Variants in VAV3 observed in about 807,000 individuals in gnomAD.
VAV3 encodes the protein guanine nucleotide exchange factor VAV3.
A neutral mutation model predicts 131.2 loss-of-function variants in VAV3; 94 were observed. The ratio of observed to expected loss-of-function variants is 0.72; its 90% confidence interval spans 0.61 to 0.85. The LOEUF (loss-of-function observed/expected upper bound fraction) is 0.85. Among genes scored for constraint, VAV3 ranks in the 40% least tolerant of loss-of-function variants. VAV3 has a pLI of 0.00. For synonymous variants in VAV3, 349 were observed against 342.0 expected (o/e 1.02, Z -0.22); for missense variants, 939 against 1,002.7 (o/e 0.94, Z 0.86).
Position 107,824,626 on chromosome 1 carries a change from A to T in VAV3, c.322-45134T>A, listed in dbSNP as rs565072926. Among the ~76,000 whole-genome samples, 6 of 152,350 alleles carry T rather than the reference A, an allele frequency of 3.9e-5. No individual in the cohort carries two copies. In the South Asian group the frequency reaches 1.2e-3, roughly 32 times the overall value. On this transcript the variant is annotated intron_variant, in intron 2 of 26. Transcript: ENST00000370056. ...ACTATCTATATCTGTACTTCCAGCA[A>T]GAGGACATTTTATGTATGCAGCATT...
intron 25 of VAV3, among the ~76,000 whole-genome samples, chr1:107,584,026 C>A (rs1171137971): frequency 6.6e-6 from 1 of 152,080 alleles, no homozygotes; most frequent in Non-Finnish European, 1.5e-5. Context: ...GCTACAGTAA[C>A]CAAAACAGCA....
intron 1 of VAV3, among the ~76,000 whole-genome samples, chr1:107,896,300 C>T (rs867296798): frequency 2.0e-5 from 3 of 152,124 alleles, no homozygotes; most frequent in African/African-American, 7.2e-5. Flanking sequence ...TTAAGAAAAG[C>T]AAGTGGAGTG....
chr1:107,640,389 A>G (rs1655257101), intron 20 of VAV3, among the ~76,000 whole-genome samples: 1 of 152,188 alleles, frequency 6.6e-6, no homozygotes, highest in African/African-American at 2.4e-5. Context: ...TATGTGATGC[A>G]CATCAAATTC....
At chr1:107,907,219 A>G (rs1342936295) in intron 1 of VAV3, among the ~76,000 whole-genome samples, 1 of 152,224 alleles carries the variant, frequency 6.6e-6, no homozygotes, top group Admixed American at 6.5e-5. Context: ...ATGGTCATAT[A>G]CAAAGTTTTA....
chr1:107,899,771 C>T (rs1426056722), intron 1 of VAV3, among the ~76,000 whole-genome samples: 1 of 152,082 alleles, frequency 6.6e-6, no homozygotes, highest in African/African-American at 2.4e-5. Flanking sequence ...AGTAACATGC[C>T]TAAAGCCAAA....
chr1:107,656,942 CCTTTTT>C (rs1277193953), intron 19 of VAV3, among the ~76,000 whole-genome samples: 6 of 116,632 alleles, frequency 5.1e-5, no homozygotes, highest in African/African-American at 1.9e-4. Context: ...TCAAGACAAT[CCTTTTT>C]TTTTTTTTTT....
At chr1:107,627,012 A>C (rs1654070869) in intron 20 of VAV3, among the ~76,000 whole-genome samples, 1 of 152,192 alleles carries the variant, frequency 6.6e-6, no homozygotes, top group South Asian at 2.1e-4. Context: ...CTTTTAATCT[A>C]GGGCAAAGGA....
chr1:107,781,778 A>C lies in VAV3; in HGVS notation c.322-2286T>G, dbSNP rs929430457. On this transcript the variant is annotated intron_variant, in intron 2 of 26. Transcript: ENST00000370056. The stretch of plus-strand genomic sequence containing the variant: ...ACTATGTCGAACATCTAATGTCAAA[A>C]CATATACAACCAATCAGATAAAACT... Among the ~76,000 whole-genome samples the C allele has an allele frequency of 1.2e-4, 18 of 152,324 alleles. No homozygotes were observed. In the South Asian group the frequency reaches 3.3e-3, roughly 28 times the overall value.
intron 20 of VAV3, among the ~76,000 whole-genome samples, chr1:107,630,689 G>A (rs1654399698): frequency 6.6e-6 from 1 of 152,066 alleles, no homozygotes; most frequent in Admixed American, 6.6e-5. Flanking sequence ...CCCAGTGGGG[G>A]AGTCACATAT....
intron 2 of VAV3, among the ~76,000 whole-genome samples, chr1:107,848,317 A>AAAAAAAAAAAAAAAAAAAAAGAG (rs1669065237): frequency 6.6e-6 from 1 of 151,732 alleles, no homozygotes. Context: ...CGTCTCAAAA[A>AAAAAAAAAAAAAAAAAAAAAGAG]AAAAAAAAAA....
At chr1:107,719,168 C>CAATGGTT (rs1401653532) in intron 15 of VAV3, among the ~76,000 whole-genome samples, 1 of 152,192 alleles carries the variant, frequency 6.6e-6, no homozygotes, top group African/African-American at 2.4e-5. Flanking sequence ...ATGACTAAAA[C>CAATGGTT]ACCAAAAGCA....
chr1:107,728,409 C>T (rs576836000), intron 15 of VAV3, among the ~76,000 whole-genome samples: 1 of 152,082 alleles, frequency 6.6e-6, no homozygotes, highest in Non-Finnish European at 1.5e-5. Context: ...TGACTGGATA[C>T]GAAGTCTGAG....
chr1:107,713,626 C>T (rs974958504), intron 15 of VAV3, among the ~76,000 whole-genome samples: 1 of 151,830 alleles, frequency 6.6e-6, no homozygotes, highest in Non-Finnish European at 1.5e-5. Context: ...TCAGACTGGC[C>T]CCAAAAAAGG....
At chr1:107,908,395 G>A (rs976289190) in intron 1 of VAV3, among the ~76,000 whole-genome samples, 2 of 152,102 alleles carry the variant, frequency 1.3e-5, no homozygotes, top group African/African-American at 4.8e-5. Context: ...AGTAAGATCG[G>A]TTATTACCAA....
Position 107,881,741 on chromosome 1 carries a change from A to T in VAV3, c.205-6724T>A, listed in dbSNP as rs141071315. ...AGGTCTAAAACATCCTAAAATTATA[A>T]ATCAGGCCAAAGCTCTCTGGATTAG... On this transcript the variant is annotated intron_variant, in intron 1 of 26. Coordinates refer to ENST00000370056, the MANE Select transcript of VAV3 (RefSeq NM_006113.5). 4.1e-3 allele frequency among the ~76,000 whole-genome samples: 626 copies of T among 152,292 alleles called. 5 individuals carry two copies. The highest frequency in any genetic ancestry group is 0.014 in the African/African-American group (588 of 41,552).
Position 107,596,274 on chromosome 1 carries a change from T to C in VAV3, c.2288A>G (p.Gln763Arg), listed in dbSNP as rs1651375889. The change falls in exon 25 of 27, where the codon CAG becomes CGG. Residue 763 changes from glutamine to arginine, a missense_variant. By Grantham distance (43) the Gln-to-Arg change is conservative. Coordinates refer to ENST00000370056, the MANE Select transcript of VAV3 (RefSeq NM_006113.5). ...ATGTTCTGGCTCCTTGTATGGAAAC[T>C]GCAGAGTTGTATCTAAGGTTCTGAA... ...EGFRTLDTTL[Q>R]FPYKEPEHSA... The C allele has an allele frequency of 6.2e-7, 1 of 1,613,668 alleles. No individual in the cohort carries two copies. The highest frequency in any genetic ancestry group is 1.3e-5 in the African/African-American group (1 of 75,038).
intron 20 of VAV3, among the ~76,000 whole-genome samples, chr1:107,642,181 G>A (rs1266718580): frequency 5.9e-5 from 9 of 152,120 alleles, no homozygotes. Flanking sequence ...CTAAGTCACA[G>A]TATGAGATAG....
intron 19 of VAV3, chr1:107,669,596 T>C: frequency 8.8e-7 from 1 of 1,130,154 alleles, no homozygotes; most frequent in Non-Finnish European, 1.1e-6. Context: ...TAGAGCCTCC[T>C]TTTCTTGCAC....
In VAV3 at chr1:107,836,123, G is replaced by A. The variant is rs138476893; in HGVS notation, c.321+38778C>T. Among the ~76,000 whole-genome samples the A allele has an allele frequency of 3.2e-3, 481 of 152,256 alleles. 2 individuals are homozygous for A. Among genetic ancestry groups the A allele is most frequent in the African/African-American group, 0.011 (458 of 41,544 alleles). On this transcript the variant is annotated intron_variant, in intron 2 of 26. Coordinates refer to ENST00000370056, the MANE Select transcript of VAV3 (RefSeq NM_006113.5). ...CACTGACAGCATTAGACAGATCATC[G>A]AGGCAGAAACCTAACAAAGAAATTA...
Sources: gnomAD v4.1 joint callset for allele counts (sites outside exome capture counted in the v4.1 genomes callset) on GRCh38, gnomAD v4.1.1 for gene constraint, MANE v1.5 for transcripts, NCBI Gene and HGNC (gene_info 2026-07-23, HGNC 2026-07-21) for gene names.